PTPRD: variants seen among roughly 807,000 people sequenced by gnomAD.
The protein encoded by PTPRD is protein tyrosine phosphatase receptor type D, also known as receptor-type tyrosine-protein phosphatase delta.
PTPRD carries 34 observed loss-of-function variants against 214.5 expected under a neutral mutation model. The observed-to-expected ratio is 0.16, with a 90% CI of 0.12 to 0.21. The LOEUF (loss-of-function observed/expected upper bound fraction) is 0.21, where lower values mean the gene tolerates loss of function less well. Ranked by LOEUF, PTPRD falls within the 10% of genes least tolerant of loss-of-function variation. PTPRD has a pLI of 1.00. For missense variants in PTPRD, 2,545 were observed against 2,398.7 expected, an observed-to-expected ratio of 1.06 and a Z score of -1.27; for synonymous variants, 1,128 against 845.7, an observed-to-expected ratio of 1.33 and a Z score of -5.79.
At chr9:9,519,447 G>C (rs1007816974) in intron 8 of PTPRD, among the ~76,000 whole-genome samples, 1 of 151,758 alleles carries the variant, frequency 6.6e-6, no homozygotes, top group African/African-American at 2.4e-5. Context: ...AATCCTGAAA[G>C]CCTAATCAAA....
chr9:8,425,642 A>G (rs993448398), intron 35 of PTPRD, among the ~76,000 whole-genome samples: 2 of 151,546 alleles, frequency 1.3e-5, no homozygotes, highest in South Asian at 4.1e-4. Context: ...AGATTAACTT[A>G]ACAATTATTT....
At chr9:9,899,315 G>A (rs1662359488) in intron 5 of PTPRD, among the ~76,000 whole-genome samples, 1 of 151,866 alleles carries the variant, frequency 6.6e-6, no homozygotes, top group African/African-American at 2.4e-5. Context: ...CATCTAATAA[G>A]GGATTAATAT....
At chr9:9,126,782 T>C (rs1426914179) in intron 10 of PTPRD, among the ~76,000 whole-genome samples, 1 of 152,188 alleles carries the variant, frequency 6.6e-6, no homozygotes, top group African/African-American at 2.4e-5. Context: ...TTGTACTGCT[T>C]CATTTGTTGT....
intron 34 of PTPRD, among the ~76,000 whole-genome samples, chr9:8,437,972 C>G (rs2095416857): frequency 6.6e-6 from 1 of 152,140 alleles, no homozygotes; most frequent in Admixed American, 6.5e-5. Flanking sequence ...ATTGCTGACT[C>G]TTATCTTACA....
intron 7 of PTPRD, among the ~76,000 whole-genome samples, chr9:9,652,192 G>T (rs2096378688): frequency 6.6e-6 from 1 of 151,936 alleles, no homozygotes; most frequent in Non-Finnish European, 1.5e-5. Flanking sequence ...AAGCCTTTCT[G>T]CTCTATTACC....
intron 4 of PTPRD, among the ~76,000 whole-genome samples, chr9:9,994,434 A>C (rs2096057006): frequency 6.6e-6 from 1 of 152,130 alleles, no homozygotes; most frequent in Admixed American, 6.5e-5. Context: ...CTGTATATTA[A>C]AATTCAGAAC....
At chr9:9,845,138 A>ATATACTGC (rs1256809232) in intron 5 of PTPRD, among the ~76,000 whole-genome samples, 2 of 1,416 alleles carry the variant, frequency 1.4e-3, no homozygotes, top group Non-Finnish European at 4.3e-3. Flanking sequence ...AGAGCAATAT[A>ATATACTGC]TATATATATT....
At chr9:10,381,601 T>A (rs1253679359) in intron 2 of PTPRD, among the ~76,000 whole-genome samples, 1 of 152,020 alleles carries the variant, frequency 6.6e-6, no homozygotes, top group Non-Finnish European at 1.5e-5. Context: ...TAACCTGTTA[T>A]CTGGCTACAA....
chr9:9,158,503 G>A (rs2099883320), intron 10 of PTPRD, among the ~76,000 whole-genome samples: 1 of 152,150 alleles, frequency 6.6e-6, no homozygotes, highest in Non-Finnish European at 1.5e-5. Context: ...AGGAGGCTGA[G>A]GCGGGAGAAT....
At chr9:8,779,556 G>C (rs998783330) in intron 11 of PTPRD, among the ~76,000 whole-genome samples, 15 of 152,064 alleles carry the variant, frequency 9.9e-5, no homozygotes, top group African/African-American at 3.6e-4. Context: ...ATTACAACTA[G>C]GAATAACACT....
chr9:10,599,003 C>A (rs978266486), intron 2 of PTPRD, among the ~76,000 whole-genome samples: 9 of 151,622 alleles, frequency 5.9e-5, no homozygotes, highest in African/African-American at 1.9e-4. Flanking sequence ...AACTAAACAG[C>A]TATGGGACTA....
At chr9:10,284,644 A>G (rs1216716630) in intron 3 of PTPRD, among the ~76,000 whole-genome samples, 1 of 152,202 alleles carries the variant, frequency 6.6e-6, no homozygotes, top group African/African-American at 2.4e-5. Context: ...CAGGTTCTCA[A>G]AAGGCTTCAA....
At chr9:10,399,754 G>C (rs899697845) in intron 2 of PTPRD, among the ~76,000 whole-genome samples, 1 of 151,840 alleles carries the variant, frequency 6.6e-6, no homozygotes, top group Non-Finnish European at 1.5e-5. Flanking sequence ...AGATATTCTA[G>C]GCAGTGAGAA....
chr9:8,908,276 G>A (rs2098722263), intron 11 of PTPRD, among the ~76,000 whole-genome samples: 1 of 152,158 alleles, frequency 6.6e-6, no homozygotes, highest in Non-Finnish European at 1.5e-5. Context: ...TAGCAGACTT[G>A]CACTGTAAGA....
intron 3 of PTPRD, among the ~76,000 whole-genome samples, chr9:10,147,231 GGGA>G (rs2099029398): frequency 6.6e-6 from 1 of 151,786 alleles, no homozygotes; most frequent in South Asian, 2.1e-4. Flanking sequence ...GGAACACTGG[GGGA>G]GGAGAAAATG....
chr9:8,551,215 C>T (rs961037514), intron 14 of PTPRD, among the ~76,000 whole-genome samples: 29 of 152,154 alleles, frequency 1.9e-4, no homozygotes, highest in Non-Finnish European at 2.9e-5. Flanking sequence ...AGGCATTGGG[C>T]CCCATGACCC....
At chr9:8,965,382 A>G (rs1047869030) in intron 11 of PTPRD, among the ~76,000 whole-genome samples, 4 of 82,360 alleles carry the variant, frequency 4.9e-5, no homozygotes, top group Non-Finnish European at 9.2e-5. Context: ...TCTGCTTCAG[A>G]AAAAAAAAAA....
At chr9:9,692,639 T>G (rs961138481) in intron 7 of PTPRD, among the ~76,000 whole-genome samples, 4 of 86,646 alleles carry the variant, frequency 4.6e-5, no homozygotes, top group Middle Eastern at 0.011. Context: ...AAATTTTAAG[T>G]TTTTTTTTTT....
intron 21 of PTPRD, among the ~76,000 whole-genome samples, chr9:8,514,470 G>C (rs1281842202): frequency 2.0e-5 from 3 of 150,742 alleles, no homozygotes; most frequent in Admixed American, 6.6e-5. Flanking sequence ...TACTGCTTGA[G>C]TGTAACGATC....
Sources: allele counts gnomAD v4.1 joint callset (sites outside exome capture counted in the v4.1 genomes callset), GRCh38; gene constraint gnomAD v4.1.1; transcripts MANE v1.5; gene names NCBI Gene and HGNC (gene_info 2026-07-23, HGNC 2026-07-21).